The following TRIM14 variants were observed in gnomAD, a reference collection of about 807,000 sequenced individuals.
The protein encoded by TRIM14 is tripartite motif containing 14.
TRIM14 carries 28 observed loss-of-function variants against 44.5 expected under a neutral mutation model. The ratio of observed to expected loss-of-function variants is 0.63; its 90% confidence interval spans 0.47 to 0.86. The LOEUF (loss-of-function observed/expected upper bound fraction) is 0.86, where lower values mean the gene tolerates loss of function less well. Among genes scored for constraint, TRIM14 ranks in the 40% least tolerant of loss-of-function variants. TRIM14 has a pLI of 0.00. For missense variants in TRIM14, 607 were observed against 611.1 expected (o/e 0.99, Z 0.07); for synonymous variants, 299 against 269.2 (o/e 1.11, Z -1.08).
intron 2 of TRIM14, among the ~76,000 whole-genome samples, chr9:98,104,075 T>G (rs1227989588): frequency 6.6e-6 from 1 of 152,120 alleles, no homozygotes; most frequent in Admixed American, 6.5e-5. Flanking sequence ...AGAGGCTAGC[T>G]CATACCACAG....
downstream of TRIM14, chr9:98,082,970 G>C: frequency 6.2e-7 from 1 of 1,614,168 alleles, no homozygotes; most frequent in Non-Finnish European, 8.5e-7. Context: ...AATCTAGTGG[G>C]CAAGAAGGTC....
At chr9:98,049,030 A>AG in the TRIM14 span, among the ~76,000 whole-genome samples, 3 of 151,576 alleles carry the variant, frequency 2.0e-5, no homozygotes, top group African/African-American at 7.3e-5. Context: ...AGAAAAAAAA[A>AG]AAGAGTAAGG....
chr9:98,106,832 T>C (rs1826632401), intron 2 of TRIM14, among the ~76,000 whole-genome samples: 1 of 150,420 alleles, frequency 6.6e-6, no homozygotes, highest in Non-Finnish European at 1.5e-5. Flanking sequence ...CTTCTTTTTT[T>C]TTTTTTTTTT....
At chr9:98,042,293 G>GAA in the TRIM14 span, among the ~76,000 whole-genome samples, 12 of 125,980 alleles carry the variant, frequency 9.5e-5, no homozygotes, top group Admixed American at 1.7e-4. Flanking sequence ...ACTCTGTCTG[G>GAA]AAAAAAAAAA....
chr9:98,118,855 G>C (rs1259010066), intron 1 of TRIM14, 127 bp downstream of exon 1: 47 of 1,145,324 alleles, frequency 4.1e-5, no homozygotes, highest in Non-Finnish European at 5.4e-5. Context: ...ACGCCCTCTG[G>C]GGCACCTTTG....
At chr9:98,094,381 T>A (rs542946471) in intron 4 of TRIM14, among the ~76,000 whole-genome samples, 1 of 152,106 alleles carries the variant, frequency 6.6e-6, no homozygotes, top group African/African-American at 2.4e-5. Context: ...ATGTATCCAC[T>A]TCATGAGCAC....
chr9:98,037,724 T>C, the TRIM14 span, among the ~76,000 whole-genome samples: 9 of 152,234 alleles, frequency 5.9e-5, no homozygotes, highest in Admixed American at 2.6e-4. Context: ...CTTGGCACAG[T>C]TGGGGTAGCC....
intron 6 of TRIM14, chr9:98,077,129 TTTTCATTTTTTTAAA>T (rs1457827472): frequency 1.3e-6 from 1 of 783,316 alleles, no homozygotes; most frequent in Non-Finnish European, 2.0e-6. Context: ...TTTTAGCCTC[TTTTCATTTTTTTAAA>T]TAGAGATAGG....
chr9:98,109,782 C>G, intron 2 of TRIM14, 107 bp downstream of exon 2: 1 of 849,158 alleles, frequency 1.2e-6, no homozygotes, highest in South Asian at 1.5e-5. Flanking sequence ...CACCATCTGC[C>G]CCTTCGCAGT....
At chr9:98,063,191 G>T in the TRIM14 span, among the ~76,000 whole-genome samples, 1 of 151,748 alleles carries the variant, frequency 6.6e-6, no homozygotes, top group African/African-American at 2.4e-5. Flanking sequence ...GCCTCCCAAA[G>T]GTCTGGGGAT....
chr9:98,067,540 C>T (rs1393597044), downstream of TRIM14, among the ~76,000 whole-genome samples: 1 of 152,108 alleles, frequency 6.6e-6, no homozygotes, highest in Non-Finnish European at 1.5e-5. Context: ...GGAAGAATGT[C>T]TATTCAGATC....
chr9:98,113,113 C>CAAAA (rs57908629), intron 1 of TRIM14, among the ~76,000 whole-genome samples: 76 of 38,724 alleles, frequency 2.0e-3, no homozygotes, highest in Non-Finnish European at 2.1e-3. Flanking sequence ...AACTCCATCT[C>CAAAA]AAAAAAAAAA....
At position 98,087,861 on chromosome 9, in the gene TRIM14, G is replaced by A. The variant is rs1291796721; in HGVS notation, c.938C>T (p.Ala313Val). The part of the protein sequence containing the change: ...LRFDALWQVL[A>V]RDCFATGRHY... ...GCGGCCGGTGGCGAAGCAGTCACGA[G>A]CCAGCACTTGCCAGAGCGCGTCGAA... The change falls in exon 6 of 6, where the codon GCT becomes GTT. Residue 313 changes from alanine (A) to valine (V), a missense_variant. Transcript: ENST00000341469. The A allele has an allele frequency of 1.3e-6, 2 of 1,563,278 alleles. No individual in the cohort carries two copies. The highest frequency in any genetic ancestry group is 3.6e-5 in the Admixed American group (2 of 55,440).
the TRIM14 span, among the ~76,000 whole-genome samples, chr9:98,057,847 CTA>C: frequency 4.3e-5 from 3 of 70,546 alleles, no homozygotes; most frequent in African/African-American, 1.5e-4. Flanking sequence ...ATTTATTTAT[CTA>C]TGTTAGAGAC....
chr9:98,070,750 A>C (rs1829304825), intron 6 of TRIM14, among the ~76,000 whole-genome samples: 1 of 152,112 alleles, frequency 6.6e-6, no homozygotes, highest in South Asian at 2.1e-4. Flanking sequence ...AGCAAATACG[A>C]ATAAATAAAA....
chr9:98,087,459 G>A lies in TRIM14; in HGVS notation c.*11C>T. 5.0e-6 allele frequency: 8 copies of A among 1,605,266 alleles called. No homozygotes were observed. The highest frequency in any genetic ancestry group is 1.3e-5 in the African/African-American group (1 of 74,886). On this transcript the variant is annotated 3_prime_UTR_variant, in exon 6 of 6. Transcript: ENST00000341469. ...CGGCGTACCTGGAGGCTGTCACGCC[G>A]GTCCTGGCCCCTAGGGCAGCCGGGG...
At chr9:98,065,563 T>A (rs1829122604), downstream of TRIM14, among the ~76,000 whole-genome samples, 1 of 140,308 alleles carries the variant, frequency 7.1e-6, no homozygotes, top group Non-Finnish European at 1.5e-5. Context: ...GGTCTCGAAC[T>A]CCTGACCTCA....
chr9:98,035,901 A>T, the TRIM14 span, among the ~76,000 whole-genome samples: 1 of 152,226 alleles, frequency 6.6e-6, no homozygotes, highest in Non-Finnish European at 1.5e-5. Flanking sequence ...ATTTATTGGC[A>T]TCTACTAGGT....
intron 5 of TRIM14, among the ~76,000 whole-genome samples, chr9:98,089,422 C>T (rs903063563): frequency 2.6e-5 from 4 of 152,198 alleles, no homozygotes; most frequent in African/African-American, 9.6e-5. Flanking sequence ...GGTGATCCGC[C>T]TGCCTCAGCC....
Sources: gnomAD v4.1 joint callset for allele counts (sites outside exome capture counted in the v4.1 genomes callset) on GRCh38, gnomAD v4.1.1 for gene constraint, MANE v1.5 for transcripts, NCBI Gene and HGNC (gene_info 2026-07-23, HGNC 2026-07-21) for gene names.